SUGCT: variants seen among roughly 807,000 people sequenced by gnomAD.
SUGCT encodes the protein succinyl-CoA:glutarate-CoA transferase.
A neutral mutation model predicts 55.0 loss-of-function variants in SUGCT; 41 were observed. That is an observed-to-expected ratio of 0.74 (90% CI 0.58 to 0.97). The LOEUF (loss-of-function observed/expected upper bound fraction) is 0.97, where lower values mean the gene tolerates loss of function less well. SUGCT is among the 50% of genes least tolerant of loss of function. The pLI is 0.00. For synonymous variants in SUGCT, 187 were observed against 200.4 expected, an observed-to-expected ratio of 0.93 and a Z score of 0.56; for missense variants, 568 against 547.8, an observed-to-expected ratio of 1.04 and a Z score of -0.37.
chr7:40,275,344 G>A (rs116515444), intron 8 of SUGCT, among the ~76,000 whole-genome samples: 2,520 of 152,178 alleles, frequency 0.017, 59 homozygotes, highest in African/African-American at 0.058. Context: ...TTGCAATTGT[G>A]TTTTTGAACA....
chr7:40,750,619 C>T (rs539670790), intron 13 of SUGCT, among the ~76,000 whole-genome samples: 9 of 152,152 alleles, frequency 5.9e-5, no homozygotes, highest in African/African-American at 1.9e-4. Context: ...CTCCCATAAC[C>T]TACCAGATAG....
intron 12 of SUGCT, among the ~76,000 whole-genome samples, chr7:40,548,418 G>C (rs1211087697): frequency 6.6e-6 from 1 of 151,842 alleles, no homozygotes; most frequent in African/African-American, 2.4e-5. Context: ...AGTGCATCTT[G>C]ACCTCCTGTC....
intron 12 of SUGCT, among the ~76,000 whole-genome samples, chr7:40,588,117 G>A (rs2151726897): frequency 6.6e-6 from 1 of 152,036 alleles, no homozygotes; most frequent in Non-Finnish European, 1.5e-5. Context: ...GGCCAGGCTG[G>A]TCTCAAACTC....
the SUGCT span, among the ~76,000 whole-genome samples, chr7:40,915,868 C>T: frequency 6.6e-6 from 1 of 152,188 alleles, no homozygotes; most frequent in East Asian, 1.9e-4. Context: ...CCATCGCACC[C>T]TGTTTTTTTG....
the SUGCT span, among the ~76,000 whole-genome samples, chr7:41,005,394 G>T: frequency 2.3e-3 from 349 of 152,186 alleles, 2 homozygotes; most frequent in African/African-American, 7.9e-3. Flanking sequence ...GATAAAAGAG[G>T]TGTCTCCATA....
the SUGCT span, among the ~76,000 whole-genome samples, chr7:40,890,157 T>C: frequency 6.7e-6 from 1 of 149,264 alleles, no homozygotes; most frequent in Non-Finnish European, 1.5e-5. Context: ...CCTAAGAGTG[T>C]GTAAGCTGCT....
At chr7:40,320,307 T>TGG (rs1795659958) in intron 9 of SUGCT, among the ~76,000 whole-genome samples, 2 of 152,066 alleles carry the variant, frequency 1.3e-5, no homozygotes, top group South Asian at 4.1e-4. Context: ...GGTTTCTCCA[T>TGG]GTTGGCCAGG....
intron 8 of SUGCT, among the ~76,000 whole-genome samples, chr7:40,301,436 G>T (rs1352046207): frequency 6.6e-6 from 1 of 152,156 alleles, no homozygotes; most frequent in Non-Finnish European, 1.5e-5. Flanking sequence ...TTCTTTACAT[G>T]AATTTTTGCT....
chr7:40,614,583 T>C (rs563471980), intron 12 of SUGCT, among the ~76,000 whole-genome samples: 1 of 150,816 alleles, frequency 6.6e-6, no homozygotes, highest in Admixed American at 6.6e-5. Flanking sequence ...AGTTGTGCTG[T>C]TTTTTTTTAA....
At chr7:40,218,126 T>C (rs1342794820) in intron 6 of SUGCT, among the ~76,000 whole-genome samples, 1 of 152,098 alleles carries the variant, frequency 6.6e-6, no homozygotes, top group Non-Finnish European at 1.5e-5. Flanking sequence ...GGCAGGAGAA[T>C]CATTTGAACC....
Position 40,561,907 on chromosome 7 carries a change from G to C in SUGCT, c.1089+65521G>C, listed in dbSNP as rs1008492408. Among the ~76,000 whole-genome samples the C allele has an allele frequency of 4.6e-5, 7 of 150,642 alleles. No individual in the cohort carries two copies. In the East Asian group the frequency reaches 1.4e-3, roughly 30 times the overall value. ...GGGTTTCACCATGTTGGTCAGGCTGGTCTTGAACTCCTGACCTCCTGATCC... is the reference window on the plus strand; with the variant it reads ...GGGTTTCACCATGTTGGTCAGGCTGCTCTTGAACTCCTGACCTCCTGATCC... On this transcript the variant is annotated intron_variant, in intron 12 of 13. Transcript: ENST00000335693.
At chr7:40,475,924 A>G (rs1790643899) in intron 11 of SUGCT, among the ~76,000 whole-genome samples, 1 of 152,138 alleles carries the variant, frequency 6.6e-6, no homozygotes, top group Admixed American at 6.5e-5. Flanking sequence ...TCATTCATCC[A>G]TCCATCCTAA....
intron 1 of SUGCT, among the ~76,000 whole-genome samples, chr7:40,137,995 T>C (rs2150570941): frequency 6.6e-6 from 1 of 152,316 alleles, no homozygotes; most frequent in Middle Eastern, 3.4e-3. Flanking sequence ...GTTATGATTT[T>C]GTTTTGGCAT....
chr7:40,896,854 AC>A, the SUGCT span, among the ~76,000 whole-genome samples: 1 of 152,224 alleles, frequency 6.6e-6, no homozygotes, highest in Non-Finnish European at 1.5e-5. Flanking sequence ...AATAGAAAAA[AC>A]AATCCTAAAA....
At chr7:40,484,504 G>C (rs979968295) in intron 11 of SUGCT, among the ~76,000 whole-genome samples, 6 of 152,110 alleles carry the variant, frequency 3.9e-5, no homozygotes, top group African/African-American at 1.4e-4. Flanking sequence ...CTATATCTTA[G>C]AGTTTGTTTG....
chr7:40,366,519 A>G (rs1211250319), intron 9 of SUGCT, among the ~76,000 whole-genome samples: 1 of 152,202 alleles, frequency 6.6e-6, no homozygotes, highest in Non-Finnish European at 1.5e-5. Flanking sequence ...TACTCATCTG[A>G]CAAAGGGCTA....
At chr7:40,488,498 T>C (rs1180285964) in intron 11 of SUGCT, among the ~76,000 whole-genome samples, 1 of 152,186 alleles carries the variant, frequency 6.6e-6, no homozygotes, top group African/African-American at 2.4e-5. Context: ...TCTAAAGATA[T>C]AAGTAATTTA....
chr7:40,843,970 G>A (rs548042456), intron 13 of SUGCT, among the ~76,000 whole-genome samples: 1 of 151,958 alleles, frequency 6.6e-6, no homozygotes, highest in Non-Finnish European at 1.5e-5. Context: ...TCATTTACTC[G>A]GCCCGCAGCT....
intron 12 of SUGCT, among the ~76,000 whole-genome samples, chr7:40,563,408 G>C (rs1313815481): frequency 6.6e-6 from 1 of 152,058 alleles, no homozygotes; most frequent in Non-Finnish European, 1.5e-5. Context: ...AAATGCTAAA[G>C]AAAAGTCATT....
Sources: gnomAD v4.1 joint callset for allele counts (sites outside exome capture counted in the v4.1 genomes callset) on GRCh38, gnomAD v4.1.1 for gene constraint, MANE v1.5 for transcripts, NCBI Gene and HGNC (gene_info 2026-07-23, HGNC 2026-07-21) for gene names.